OSBP2: variants seen among roughly 807,000 people sequenced by gnomAD.
OSBP2 encodes oxysterol-binding protein 2.
A neutral mutation model predicts 96.0 loss-of-function variants in OSBP2; 66 were observed. That is an observed-to-expected ratio of 0.69 (90% CI 0.56 to 0.84). OSBP2 has a LOEUF of 0.84. Among genes scored for constraint, OSBP2 ranks in the 40% least tolerant of loss-of-function variants. The probability of loss-of-function intolerance (pLI) is 0.00; values close to 1 mark genes in which losing one functional copy is unlikely to be tolerated. For synonymous variants in OSBP2, 525 were observed against 520.9 expected (o/e 1.01, Z -0.11); for missense variants, 1,038 against 1,222.7 (o/e 0.85, Z 2.25).
chr22:30,876,203 G>A (rs1216837409), intron 3 of OSBP2, among the ~76,000 whole-genome samples: 1 of 152,256 alleles, frequency 6.6e-6, no homozygotes, highest in Non-Finnish European at 1.5e-5. Flanking sequence ...TCCCTTCTGG[G>A]CTGTCATCGT....
intron 12 of OSBP2, among the ~76,000 whole-genome samples, chr22:30,905,021 C>T (rs186209577): frequency 0.011 from 1,627 of 151,904 alleles, 24 homozygotes; most frequent in African/African-American, 0.036. Flanking sequence ...CCTGAAATCC[C>T]AGCTACTCAG....
upstream of OSBP2, among the ~76,000 whole-genome samples, chr22:30,694,573 A>G (rs1352765349): frequency 1.4e-3 from 1 of 712 alleles, no homozygotes; most frequent in African/African-American, 7.4e-3. Flanking sequence ...TTGTTCCTCC[A>G]GCGCCTGGCA....
chr22:30,758,349 C>T lies in OSBP2; in HGVS notation c.853+16980C>T, dbSNP rs371963042. On this transcript the variant is annotated intron_variant, in intron 2 of 13. Transcript: ENST00000332585. ...CCGGGAGGAAGAGGTTGCAGTGAGC[C>T]GAGATGGCACCACTGCATTCCAGCC... 1.8e-4 allele frequency among the ~76,000 whole-genome samples: 27 copies of T among 152,170 alleles called. No homozygotes were observed. The East Asian group carries it at 5.2e-3, about 29-fold the overall frequency.
intron 2 of OSBP2, among the ~76,000 whole-genome samples, chr22:30,744,499 C>T (rs142430005): frequency 3.3e-5 from 5 of 152,294 alleles, no homozygotes; most frequent in Non-Finnish European, 5.9e-5. Context: ...CTCCCCAGCT[C>T]TTTTGCCATG....
chr22:30,732,310 AT>A (rs1404207875), intron 1 of OSBP2, among the ~76,000 whole-genome samples: 3 of 152,054 alleles, frequency 2.0e-5, no homozygotes, highest in Non-Finnish European at 2.9e-5. Context: ...GTCTCAAAAA[AT>A]AAATAAATAA....
At chr22:30,758,378 G>C (rs1014791950) in intron 2 of OSBP2, among the ~76,000 whole-genome samples, 8 of 152,160 alleles carry the variant, frequency 5.3e-5, no homozygotes, top group Admixed American at 4.6e-4. Context: ...TCCAGCCTGG[G>C]TGACAGAGCG....
chr22:30,700,987 C>A (rs528008436), intron 1 of OSBP2, among the ~76,000 whole-genome samples: 3 of 151,292 alleles, frequency 2.0e-5, no homozygotes, highest in African/African-American at 7.3e-5. Flanking sequence ...CCCAGCTACT[C>A]GGGAGGCTGA....
In OSBP2 at chr22:30,760,792, T is replaced by C. The variant is rs181805976; in HGVS notation, c.853+19423T>C. On this transcript the variant is annotated intron_variant, in intron 2 of 13. Coordinates refer to ENST00000332585, the MANE Select transcript of OSBP2 (RefSeq NM_030758.4). ...GAGATCGCACCACTGCACCCCAGCC[T>C]GGGCAACAGAGCAAGACTCTGTCTC... is the stretch of plus-strand genomic sequence containing the variant. Among the ~76,000 whole-genome samples the C allele has an allele frequency of 6.0e-3, 908 of 151,238 alleles. 8 individuals are homozygous for C. The highest frequency in any genetic ancestry group is 0.021 in the African/African-American group (857 of 41,110).
intron 2 of OSBP2, among the ~76,000 whole-genome samples, chr22:30,794,861 A>T: frequency 6.6e-6 from 1 of 151,510 alleles, no homozygotes; most frequent in East Asian, 1.9e-4. Flanking sequence ...ACATGTATAC[A>T]TTCCACAAAG....
intron 2 of OSBP2, among the ~76,000 whole-genome samples, chr22:30,852,896 T>C (rs922248676): frequency 1.3e-5 from 2 of 152,210 alleles, no homozygotes; most frequent in Non-Finnish European, 2.9e-5. Context: ...TATTGAAAAG[T>C]GTCTGGCTTA....
chr22:30,762,441 G>A (rs1428491677), intron 2 of OSBP2, among the ~76,000 whole-genome samples: 1 of 151,870 alleles, frequency 6.6e-6, no homozygotes, highest in African/African-American at 2.4e-5. Context: ...CCAGCTACTC[G>A]GGAGGCTGAG....
intron 2 of OSBP2, among the ~76,000 whole-genome samples, chr22:30,867,190 C>T (rs1009177072): frequency 6.6e-6 from 1 of 152,236 alleles, no homozygotes; most frequent in Admixed American, 6.5e-5. Flanking sequence ...CCTGGCCTCT[C>T]TGTCCCTCTA....
At chr22:30,716,484 C>T (rs1197939701) in intron 1 of OSBP2, among the ~76,000 whole-genome samples, 1 of 152,032 alleles carries the variant, frequency 6.6e-6, no homozygotes, top group Non-Finnish European at 1.5e-5. Context: ...GTTGCCCGGG[C>T]TGGAGTGCAA....
chr22:30,882,489 C>G (rs930783718), intron 3 of OSBP2, among the ~76,000 whole-genome samples: 2 of 147,856 alleles, frequency 1.4e-5, no homozygotes, highest in Non-Finnish European at 3.0e-5. Context: ...TCATTTCCTC[C>G]TCGGTCATGC....
chr22:30,762,271 C>T (rs558158764), intron 2 of OSBP2, among the ~76,000 whole-genome samples: 4 of 149,892 alleles, frequency 2.7e-5, no homozygotes, highest in South Asian at 4.3e-4. Context: ...AATTTTGGGC[C>T]GGGCGCGGTG....
intron 2 of OSBP2, among the ~76,000 whole-genome samples, chr22:30,769,755 A>T (rs2090323934): frequency 6.6e-6 from 1 of 152,200 alleles, no homozygotes; most frequent in Non-Finnish European, 1.5e-5. Flanking sequence ...CTACCATTCC[A>T]GGCTCTTCAG....
chr22:30,716,036 C>T (rs1039854962), intron 1 of OSBP2, among the ~76,000 whole-genome samples: 2 of 86,408 alleles, frequency 2.3e-5, no homozygotes, highest in African/African-American at 9.1e-5. Context: ...TTCTTTCTTT[C>T]TTTCTTTCTT....
At chr22:30,697,779 C>T (rs964688809) in intron 1 of OSBP2, among the ~76,000 whole-genome samples, 4 of 152,168 alleles carry the variant, frequency 2.6e-5, no homozygotes, top group Non-Finnish European at 5.9e-5. Flanking sequence ...CAAATTGTTG[C>T]TGACCTTACC....
chr22:30,764,504 A>G (rs942198575), intron 2 of OSBP2: 1 of 589,228 alleles, frequency 1.7e-6, no homozygotes. Context: ...GCTCTCGGGA[A>G]CCCTGCTGCC....
Sources: allele counts gnomAD v4.1 joint callset (sites outside exome capture counted in the v4.1 genomes callset), GRCh38; gene constraint gnomAD v4.1.1; transcripts MANE v1.5; gene names NCBI Gene and HGNC (gene_info 2026-07-23, HGNC 2026-07-21).